PDE3A: variants seen among roughly 807,000 people sequenced by gnomAD.
PDE3A encodes the protein phosphodiesterase 3A.
In PDE3A, 43 loss-of-function variants were observed where a neutral mutation model predicts 98.3. The ratio of observed to expected loss-of-function variants is 0.44; its 90% CI spans 0.34 to 0.56. The LOEUF is 0.56. Ranked by LOEUF, PDE3A falls within the 20% of genes least tolerant of loss-of-function variation. The probability of loss-of-function intolerance (pLI) is 0.01; values close to 1 mark genes in which losing one functional copy is unlikely to be tolerated. For missense variants in PDE3A, 1,427 were observed against 1,440.7 expected (o/e 0.99, Z 0.15); for synonymous variants, 663 against 567.9 (o/e 1.17, Z -2.38).
chr12:20,463,478 C>A (rs1945288485), intron 1 of PDE3A, among the ~76,000 whole-genome samples: 1 of 152,054 alleles, frequency 6.6e-6, no homozygotes, highest in Admixed American at 6.6e-5. Flanking sequence ...TTGCTCAAAT[C>A]TTAATGCTAT....
At chr12:20,454,749 A>C (rs1327646828) in intron 1 of PDE3A, among the ~76,000 whole-genome samples, 1 of 152,134 alleles carries the variant, frequency 6.6e-6, no homozygotes, top group African/African-American at 2.4e-5. Context: ...TTCCTGTGTT[A>C]GTTTGCTAAG....
At chr12:20,371,505 G>A in intron 1 of PDE3A, 3 of 963,330 alleles carry the variant, frequency 3.1e-6, no homozygotes, top group Non-Finnish European at 3.7e-6. Flanking sequence ...GTTATTCTGT[G>A]GATAATCATT....
At chr12:20,572,192 C>G (rs1179320250) in intron 2 of PDE3A, 2 of 1,109,226 alleles carry the variant, frequency 1.8e-6, no homozygotes, top group African/African-American at 1.6e-5. Context: ...CCTTTTTGTT[C>G]TATAATGATT....
At chr12:20,418,624 CTCTT>C (rs1156337534) in intron 1 of PDE3A, among the ~76,000 whole-genome samples, 1 of 152,124 alleles carries the variant, frequency 6.6e-6, no homozygotes, top group East Asian at 1.9e-4. Flanking sequence ...GCCGATTTCT[CTCTT>C]TCTGTTTTTT....
At chr12:20,516,911 G>A (rs562631992) in intron 1 of PDE3A, among the ~76,000 whole-genome samples, 25 of 152,246 alleles carry the variant, frequency 1.6e-4, no homozygotes, top group African/African-American at 6.0e-4. Flanking sequence ...ACTAGGATGA[G>A]GAACTCTTTT....
At chr12:20,659,836 C>A (rs1331617658) in intron 15 of PDE3A, among the ~76,000 whole-genome samples, 1 of 152,194 alleles carries the variant, frequency 6.6e-6, no homozygotes, top group African/African-American at 2.4e-5. Flanking sequence ...ATCAATACTT[C>A]ATCATTTACC....
At chr12:20,424,633 G>T (rs1256746377) in intron 1 of PDE3A, among the ~76,000 whole-genome samples, 1 of 152,134 alleles carries the variant, frequency 6.6e-6, no homozygotes, top group Non-Finnish European at 1.5e-5. Context: ...CTGCCTTATG[G>T]ATGATTTATG....
chr12:20,432,499 T>C (rs1944714234), intron 1 of PDE3A, among the ~76,000 whole-genome samples: 1 of 152,184 alleles, frequency 6.6e-6, no homozygotes, highest in South Asian at 2.1e-4. Context: ...AGGTGATGGA[T>C]AGGTTTATGG....
At position 20,422,674 on chromosome 12, in the gene PDE3A, G is replaced by A. The variant is rs141870150; in HGVS notation, c.960+52430G>A. 5.9e-3 allele frequency among the ~76,000 whole-genome samples: 901 copies of A among 152,250 alleles called. 8 individuals carry two copies. Among genetic ancestry groups the A allele is most frequent in the African/African-American group, 0.021 (864 of 41,564 alleles). ...GTATACAGAAGGACATGGAATAACCGCATATAGACTTAGTGTATCATGTCC... is the reference window on the plus strand; with the variant it reads ...GTATACAGAAGGACATGGAATAACCACATATAGACTTAGTGTATCATGTCC... On this transcript the variant is annotated intron_variant, in intron 1 of 15. Transcript: ENST00000359062.
intron 1 of PDE3A, among the ~76,000 whole-genome samples, chr12:20,427,443 T>G (rs902958489): frequency 1.3e-5 from 2 of 152,208 alleles, no homozygotes; most frequent in Non-Finnish European, 2.9e-5. Flanking sequence ...TTTACAGGCA[T>G]GTTTTTCTTT....
intron 1 of PDE3A, among the ~76,000 whole-genome samples, chr12:20,504,020 G>T (rs1296183346): frequency 1.3e-5 from 2 of 152,062 alleles, no homozygotes; most frequent in African/African-American, 4.8e-5. Context: ...AGAATCTAAG[G>T]AGGACTTCAC....
intron 3 of PDE3A, among the ~76,000 whole-genome samples, chr12:20,614,714 C>T (rs1183669268): frequency 6.6e-6 from 1 of 152,150 alleles, no homozygotes; most frequent in Non-Finnish European, 1.5e-5. Flanking sequence ...TGAGTTTTCT[C>T]TTCCAACTGA....
intron 8 of PDE3A, among the ~76,000 whole-genome samples, chr12:20,635,767 A>AG (rs1279893292): frequency 2.0e-5 from 3 of 151,580 alleles, no homozygotes; most frequent in African/African-American, 4.8e-5. Context: ...AAAAAAAAAA[A>AG]AAAAGAAATT....
At chr12:20,578,724 A>G (rs779984513) in intron 2 of PDE3A, among the ~76,000 whole-genome samples, 20 of 152,086 alleles carry the variant, frequency 1.3e-4, no homozygotes, top group African/African-American at 3.1e-4. Context: ...GCCTCTGTCT[A>G]TCGTTCTCTG....
chr12:20,570,119 T>C (rs1433186230), intron 2 of PDE3A, among the ~76,000 whole-genome samples: 1 of 152,056 alleles, frequency 6.6e-6, no homozygotes, highest in African/African-American at 2.4e-5. Flanking sequence ...AATTGTGCTC[T>C]CTTAAGTTAT....
Position 20,369,931 on chromosome 12 carries a change from C to G in PDE3A, c.647C>G (p.Ala216Gly). Residue 216 changes from alanine to glycine, a missense_variant, in exon 1 of 16, where the codon GCC (alanine) becomes GGC (glycine). Ala to Gly is a moderately conservative substitution (Grantham distance 60). Coordinates refer to ENST00000359062, the MANE Select transcript of PDE3A (RefSeq NM_000921.5). ...CTGAGGCTGGGCGTCCTCATGATCGCCTTGACTAGCGCGGTCAGGACCGTG... is the reference window on the plus strand; with the variant it reads ...CTGAGGCTGGGCGTCCTCATGATCGGCTTGACTAGCGCGGTCAGGACCGTG... ...LRLRLGVLMI[A>G]LTSAVRTVSL... The G allele has an allele frequency of 6.2e-7, 1 of 1,613,478 alleles. No individual in the cohort carries two copies. The highest frequency in any genetic ancestry group is 8.5e-7 in the Non-Finnish European group (1 of 1,180,010).
chr12:20,585,873 C>T (rs1250547923), intron 2 of PDE3A, among the ~76,000 whole-genome samples: 1 of 152,114 alleles, frequency 6.6e-6, no homozygotes, highest in African/African-American at 2.4e-5. Flanking sequence ...TTCCTTTCTT[C>T]CACAGACATA....
chr12:20,394,877 C>T (rs1306540802), intron 1 of PDE3A, among the ~76,000 whole-genome samples: 2 of 152,038 alleles, frequency 1.3e-5, no homozygotes, highest in Admixed American at 6.6e-5. Context: ...TGTTGGTAAA[C>T]ATCCTACAGT....
chr12:20,596,185 T>G (rs573606424), intron 2 of PDE3A, among the ~76,000 whole-genome samples: 37 of 152,212 alleles, frequency 2.4e-4, no homozygotes, highest in Non-Finnish European at 4.4e-4. Flanking sequence ...CTAGCAATTA[T>G]GTCTACAAGA....
Sources: gnomAD v4.1 joint callset for allele counts (sites outside exome capture counted in the v4.1 genomes callset) on GRCh38, gnomAD v4.1.1 for gene constraint, MANE v1.5 for transcripts, NCBI Gene and HGNC (gene_info 2026-07-23, HGNC 2026-07-21) for gene names.